Variants in LRP4 observed in about 807,000 individuals in gnomAD.
LRP4 encodes LDL receptor related protein 4, also known as low-density lipoprotein receptor-related protein 4.
A neutral mutation model predicts 220.3 loss-of-function variants in LRP4; 95 were observed. That is an observed-to-expected ratio of 0.43 (90% confidence interval 0.37 to 0.51). The LOEUF (loss-of-function observed/expected upper bound fraction) is 0.51, where lower values mean the gene tolerates loss of function less well. LRP4 is among the 20% of genes least tolerant of loss of function. The pLI, the probability that LRP4 is intolerant of heterozygous loss-of-function variation, is 0.00. For missense variants in LRP4, 1,925 were observed against 2,567.0 expected, an observed-to-expected ratio of 0.75 and a Z score of 5.40; for synonymous variants, 903 against 954.6, an observed-to-expected ratio of 0.95 and a Z score of 1.00.
At chr11:46,893,317 G>A (rs1477663805) in intron 12 of LRP4, among the ~76,000 whole-genome samples, 188 bp from the exon 13 acceptor site, 20 of 152,194 alleles carry the variant, frequency 1.3e-4, no homozygotes, top group Non-Finnish European at 2.9e-4. Context: ...ATGAGGATGA[G>A]GAAATTGAGG....
chr11:46,878,628 A>C (rs542404562), intron 22 of LRP4, among the ~76,000 whole-genome samples: 1 of 152,270 alleles, frequency 6.6e-6, no homozygotes, highest in East Asian at 1.9e-4. Flanking sequence ...CTAAGAGATG[A>C]GAGGAAAGTG....
At chr11:46,877,381 C>T (rs373091456) in intron 22 of LRP4, 42 bp from the exon 23 acceptor site, 2 of 1,611,924 alleles carry the variant, frequency 1.2e-6, no homozygotes, top group Non-Finnish European at 1.7e-6. Flanking sequence ...TCGAGCACAG[C>T]CATTAAATGG....
At chr11:46,863,361 C>A (rs1235058674) in intron 36 of LRP4, among the ~76,000 whole-genome samples, 5 of 152,210 alleles carry the variant, frequency 3.3e-5, no homozygotes, top group African/African-American at 2.4e-5. Context: ...CAATGGAGAA[C>A]TGATGCACTG....
intron 1 of LRP4, among the ~76,000 whole-genome samples, chr11:46,910,507 C>G (rs1159715102): frequency 6.6e-6 from 1 of 152,136 alleles, no homozygotes; most frequent in Non-Finnish European, 1.5e-5. Context: ...TCCAACCACT[C>G]CATGATTAAG....
intron 36 of LRP4, 110 bp downstream of exon 36, chr11:46,864,338 C>G (rs1375954147): frequency 2.3e-6 from 2 of 861,640 alleles, no homozygotes; most frequent in Non-Finnish European, 4.0e-6. Flanking sequence ...CCCAACCTTG[C>G]AATAAGGCTG....
At position 46,895,210 on chromosome 11, in the gene LRP4, G is replaced by A; in HGVS notation, c.1265C>T (p.Thr422Ile). 2 of 1,614,108 alleles carry A rather than the reference G, an allele frequency of 1.2e-6. No homozygotes were observed. The highest frequency in any genetic ancestry group is 1.7e-6 in the Non-Finnish European group (2 of 1,180,034). The stretch of plus-strand genomic sequence containing the variant: ...CCGGTCGGGCCGTAGTTCATAGCCT[G>A]TTTCACACCAGCATTGGAAAGCCCC... ...SEGAFQCWCETGYELRPDRRS... is the reference protein window; with the variant it reads ...SEGAFQCWCEIGYELRPDRRS... The change falls in exon 11 of 38, where the codon ACA (threonine) becomes ATA (isoleucine). Residue 422 changes from threonine (T) to isoleucine (I), a missense_variant. Thr to Ile is a moderately conservative substitution (Grantham distance 89). Transcript: ENST00000378623.
rs1035237843 is a variant in LRP4 at position 46,892,988 on chromosome 11, A to G, written c.1682T>C (p.Leu561Ser). 6.2e-7 allele frequency: 1 copy of G among 1,613,696 alleles called. No homozygotes were observed. Among genetic ancestry groups the G allele is most frequent in the Non-Finnish European group, 8.5e-7 (1 of 1,179,970 alleles). ...TACAACTTACCCCTCCATGGGATGC[A>G]AGGCAATGGCCCGGGGCTTCTCCAG... is the stretch of plus-strand genomic sequence containing the variant. ...QNLEKPRAIA[L>S]HPMEGTIYWT... is the part of the protein sequence containing the mutation. The change falls in exon 13 of 38, where the codon TTG (leucine) becomes TCG (serine). Residue 561 changes from leucine (L) to serine (S), a missense_variant. By Grantham distance (145) the Leu-to-Ser change is moderately radical. Transcript: ENST00000378623.
chr11:46,903,605 C>T (rs973908237), intron 1 of LRP4, among the ~76,000 whole-genome samples: 1 of 152,220 alleles, frequency 6.6e-6, no homozygotes, highest in African/African-American at 2.4e-5. Context: ...GAGAGGCCTC[C>T]ATAGCCTTCT....
At chr11:46,897,505 G>A (rs1468923297) in intron 7 of LRP4, among the ~76,000 whole-genome samples, 33 of 150,330 alleles carry the variant, frequency 2.2e-4, no homozygotes, top group Non-Finnish European at 1.5e-5. Context: ...GTTTTCCTAG[G>A]CAGAGGACCC....
At position 46,881,058 on chromosome 11, in the gene LRP4, C is replaced by CAAAAAA. The variant is rs60125188; in HGVS notation, c.2814+638_2814+643dup. On this transcript the variant is annotated intron_variant, in intron 20 of 37. Transcript: ENST00000378623. ...CAGCATGACCCTGCCTCTAAAAAAC[C>CAAAAAA]AAAAAAAAAAAAAAAAAAAAAAAAA... Among the ~76,000 whole-genome samples the CAAAAAA allele has an allele frequency of 1.6e-3, 91 of 56,108 alleles. 2 individuals carry two copies. The highest frequency in any genetic ancestry group is 3.5e-3 in the Admixed American group (12 of 3,398). The allele number at this position is 56,108 out of a possible 152,430, so 36.8% of individuals were successfully genotyped here.
Position 46,874,934 on chromosome 11 carries a change from C to T in LRP4, c.4095G>A (p.Arg1365=). 1 of 1,614,164 alleles carries T rather than the reference C, an allele frequency of 6.2e-7. No individual in the cohort carries two copies. The highest frequency in any genetic ancestry group is 8.5e-7 in the Non-Finnish European group (1 of 1,180,046). ...GGTCACTGGTGTCCAGTGAGATACG[C>T]CGGATGGAGCCACGGCTGGAGAAGA... ...YLLFSSRGSI[R]RISLDTSDHT... is the part of the protein sequence containing the mutation. Residue 1365 remains arginine (R), a synonymous_variant, in exon 28 of 38, where the codon CGG becomes CGA. Transcript: ENST00000378623.
rs961563828 is a variant in LRP4, at chr11:46,895,743, G to A, written c.1183+141C>T. On this transcript the variant is annotated intron_variant, in intron 10 of 37. Transcript: ENST00000378623. ...GTCTCCCCATCTGTGAAATGGGAAGGATGATCCCCACCTCCTAGGGTTATT... is the reference window on the plus strand; with the variant it reads ...GTCTCCCCATCTGTGAAATGGGAAGAATGATCCCCACCTCCTAGGGTTATT... The A allele has an allele frequency of 4.9e-6, 6 of 1,213,030 alleles. No individual in the cohort carries two copies. The African/African-American group carries it at 5.9e-5, about 12-fold the overall frequency. The allele number at this position is 1,213,030 out of a possible 1,614,324, so 75.1% of individuals were successfully genotyped here.
chr11:46,886,507 G>A lies in LRP4; in HGVS notation c.2242C>T (p.Arg748Ter), dbSNP rs371792710. 1.2e-6 allele frequency: 2 copies of A among 1,614,022 alleles called. No individual in the cohort carries two copies. The highest frequency in any genetic ancestry group is 1.1e-5 in the South Asian group (1 of 91,066). The change falls in exon 17 of 38, where the codon CGA (arginine) becomes TGA (stop). Residue 748 changes from arginine to a stop codon, truncating the protein, a stop_gained. Coordinates refer to ENST00000378623, the MANE Select transcript of LRP4 (RefSeq NM_002334.4). LOFTEE classifies it high-confidence loss of function. Reference protein sequence around the residue: ...QSLDKFLLFARRMDIRRISFD... With the variant: ...QSLDKFLLFA ...CTGATTCGACGGATGTCCATCCTTC[G>A]GGCAAAAAGCAGGAACTTGTCAAGA...
intron 30 of LRP4, among the ~76,000 whole-genome samples, chr11:46,872,565 G>A (rs528714168): frequency 7.4e-4 from 112 of 152,122 alleles, no homozygotes; most frequent in Middle Eastern, 6.8e-3. Flanking sequence ...GCAACATAGC[G>A]AGATGCTGTC....
At chr11:46,908,408 T>C (rs1941796878) in intron 1 of LRP4, among the ~76,000 whole-genome samples, 1 of 152,204 alleles carries the variant, frequency 6.6e-6, no homozygotes, top group Non-Finnish European at 1.5e-5. Flanking sequence ...CAATTACTTT[T>C]GCGCCAACCT....
In LRP4 at chr11:46,873,332, G is replaced by T; in HGVS notation, c.4448+43C>A. 1 of 1,612,000 alleles carries T rather than the reference G, an allele frequency of 6.2e-7. No individual in the cohort carries two copies. Among genetic ancestry groups the T allele is most frequent in the African/African-American group, 1.3e-5 (1 of 75,030 alleles). ...CCCACTAACACCATCTTTCCACCCA[G>T]CCCTTCTTCCCTGGATCTCTCTTCT... On this transcript the variant is annotated intron_variant, in intron 29 of 37. Coordinates refer to ENST00000378623, the MANE Select transcript of LRP4 (RefSeq NM_002334.4). The surrounding 1 kb of genome is among the most constrained non-coding windows in gnomAD (Gnocchi z 4.2).
chr11:46,871,699 T>G, intron 30 of LRP4, 66 bp from the exon 31 acceptor site: 1 of 1,048,024 alleles, frequency 9.5e-7, no homozygotes, highest in Non-Finnish European at 1.5e-6. Flanking sequence ...CTTCCCCCTA[T>G]GAACCTGTTT....
chr11:46,868,456 G>C, intron 33 of LRP4, 144 bp downstream of exon 33: 1 of 726,812 alleles, frequency 1.4e-6, no homozygotes, highest in South Asian at 1.5e-5. Flanking sequence ...AACCCAAGCA[G>C]ACTGCTACCA....
chr11:46,868,940 C>G, intron 32 of LRP4, 48 bp downstream of exon 32: 1 of 1,613,574 alleles, frequency 6.2e-7, no homozygotes, highest in Non-Finnish European at 8.5e-7. Context: ...GGTTGACCGA[C>G]CAATCCCACA....
Sources: gnomAD v4.1 joint callset for allele counts (sites outside exome capture counted in the v4.1 genomes callset) on GRCh38, gnomAD v4.1.1 for gene constraint, Gnocchi (gnomAD v3.1) non-coding constraint, MANE v1.5 for transcripts, NCBI Gene and HGNC (gene_info 2026-07-23, HGNC 2026-07-21) for gene names.